The following CERS3 variants were observed in gnomAD, a reference collection of about 807,000 sequenced individuals.
CERS3 encodes ceramide synthase 3, also known as LAG1 homolog, ceramide synthase 3.
CERS3 carries 33 observed loss-of-function variants against 50.3 expected under a neutral mutation model. The observed-to-expected ratio is 0.66, with a 90% CI of 0.50 to 0.88. The LOEUF is 0.88. CERS3 is among the 40% of genes least tolerant of loss of function. The pLI, the probability that CERS3 is intolerant of heterozygous loss-of-function variation, is 0.00. For missense variants in CERS3, 470 were observed against 460.3 expected (o/e 1.02, Z -0.19); for synonymous variants, 176 against 155.2 (o/e 1.13, Z -0.99).
chr15:100,411,166 GT>G (rs773603327), intron 11 of CERS3, among the ~76,000 whole-genome samples: 5 of 151,866 alleles, frequency 3.3e-5, no homozygotes, highest in Non-Finnish European at 7.4e-5. Flanking sequence ...TTTGTTTTCT[GT>G]TTTTTTTCTT....
chr15:100,467,833 ACG>A (rs1491457491), intron 10 of CERS3, among the ~76,000 whole-genome samples: 1 of 121,924 alleles, frequency 8.2e-6, no homozygotes, highest in Admixed American at 9.8e-5. Context: ...GTATATATAT[ACG>A]TGTATATATA....
At chr15:100,518,187 AC>A (rs758006820) in intron 2 of CERS3, among the ~76,000 whole-genome samples, 27 of 152,280 alleles carry the variant, frequency 1.8e-4, no homozygotes, top group Middle Eastern at 6.8e-3. Flanking sequence ...AATGTAAAAC[AC>A]CCCGATTTTA....
At chr15:100,522,814 T>C (rs1596809753) in intron 1 of CERS3, among the ~76,000 whole-genome samples, 1 of 152,178 alleles carries the variant, frequency 6.6e-6, no homozygotes, top group East Asian at 1.9e-4. Flanking sequence ...TTTAGGTAAA[T>C]ACGTGAATGC....
At chr15:100,467,840 T>TAG (rs2034818923) in intron 10 of CERS3, among the ~76,000 whole-genome samples, 5 of 57,246 alleles carry the variant, frequency 8.7e-5, no homozygotes, top group African/African-American at 2.9e-4. Flanking sequence ...TATACGTGTA[T>TAG]ATATATATAT....
intron 10 of CERS3, among the ~76,000 whole-genome samples, chr15:100,464,443 C>T (rs572759293): frequency 6.6e-6 from 1 of 152,296 alleles, no homozygotes; most frequent in South Asian, 2.1e-4. Flanking sequence ...CACCCTGCCC[C>T]CTGCACACTC....
chr15:100,502,703 G>C (rs1018936068), intron 2 of CERS3, among the ~76,000 whole-genome samples: 1 of 152,202 alleles, frequency 6.6e-6, no homozygotes, highest in Non-Finnish European at 1.5e-5. Context: ...GCTGAGCACT[G>C]AGGATAAAAC....
At chr15:100,440,462 T>A (rs1363803414) in intron 11 of CERS3, among the ~76,000 whole-genome samples, 1 of 152,178 alleles carries the variant, frequency 6.6e-6, no homozygotes, top group Non-Finnish European at 1.5e-5. Context: ...TTCCTTTACC[T>A]ACCCAAATCC....
At chr15:100,433,179 C>T (rs1362310454) in intron 11 of CERS3, among the ~76,000 whole-genome samples, 5 of 150,234 alleles carry the variant, frequency 3.3e-5, no homozygotes, top group Admixed American at 1.3e-4. Context: ...GAGGTTGCAG[C>T]GAGCTGAGAT....
chr15:100,468,669 C>G (rs755506402), intron 10 of CERS3, among the ~76,000 whole-genome samples: 36 of 152,184 alleles, frequency 2.4e-4, no homozygotes, highest in Non-Finnish European at 4.0e-4. Flanking sequence ...TCCAAACCAT[C>G]TAAGTCTTCC....
At chr15:100,459,483 T>C (rs1393757975) in intron 10 of CERS3, among the ~76,000 whole-genome samples, 2 of 152,148 alleles carry the variant, frequency 1.3e-5, no homozygotes, top group African/African-American at 2.4e-5. Context: ...TTGTTTTTTG[T>C]AGAGACAGGG....
At chr15:100,531,210 A>G (rs947971760), upstream of CERS3, among the ~76,000 whole-genome samples, 2 of 152,260 alleles carry the variant, frequency 1.3e-5, no homozygotes, top group South Asian at 2.1e-4. Context: ...TTCAAATCAA[A>G]TCGGAACTAT....
chr15:100,438,548 T>A (rs2033535824), intron 11 of CERS3, among the ~76,000 whole-genome samples: 5 of 152,250 alleles, frequency 3.3e-5, no homozygotes. Flanking sequence ...AGGTGAAGTG[T>A]TACAAGTTAA....
rs2030446348 is a variant in CERS3 at position 100,400,626 on chromosome 15, A to G, written c.*2087T>C. 1 of 152,172 alleles carries G rather than the reference A, an allele frequency of 6.6e-6. No individual in the cohort carries two copies. Among genetic ancestry groups the G allele is most frequent in the Non-Finnish European group, 1.5e-5 (1 of 68,038 alleles). The allele number at this position is 152,172 out of a possible 1,614,324, so 9.4% of individuals were successfully genotyped here. ...TGTATCAGAAATAGTTAAAATTGGTATATCAATTTTACCTTCAACATTCAA... is the reference window on the plus strand; with the variant it reads ...TGTATCAGAAATAGTTAAAATTGGTGTATCAATTTTACCTTCAACATTCAA... On this transcript the variant is annotated 3_prime_UTR_variant, in exon 12 of 12. Transcript: ENST00000679737.
intron 1 of CERS3, among the ~76,000 whole-genome samples, chr15:100,537,319 A>G (rs1175096378): frequency 6.6e-6 from 1 of 152,242 alleles, no homozygotes; most frequent in African/African-American, 2.4e-5. Context: ...GTTGTTCCAG[A>G]GGGCATTAGA....
chr15:100,531,227 A>G (rs932733498), upstream of CERS3, among the ~76,000 whole-genome samples: 1 of 152,386 alleles, frequency 6.6e-6, no homozygotes, highest in African/African-American at 2.4e-5. Context: ...CTATTTAGAC[A>G]TAGTTCTATA....
chr15:100,521,630 C>G (rs1392270061), intron 2 of CERS3, 37 bp downstream of exon 2: 2 of 152,136 alleles, frequency 1.3e-5, no homozygotes, highest in South Asian at 2.1e-4. Context: ...TAAGAAAACA[C>G]AGTAGAGGTA....
chr15:100,539,121 A>G (rs1232520119), intron 1 of CERS3, among the ~76,000 whole-genome samples: 1 of 152,324 alleles, frequency 6.6e-6, no homozygotes, highest in South Asian at 2.1e-4. Flanking sequence ...CCAGTTCCCA[A>G]GAAGTTCCTT....
intron 7 of CERS3, 35 bp downstream of exon 7, chr15:100,479,393 C>T: frequency 1.3e-6 from 2 of 1,513,166 alleles, no homozygotes; most frequent in South Asian, 1.2e-5. Flanking sequence ...TCTTGGTGTT[C>T]AAGTAAGGGG....
intron 3 of CERS3, among the ~76,000 whole-genome samples, chr15:100,500,735 G>C (rs1225267797): frequency 6.6e-6 from 1 of 152,152 alleles, no homozygotes; most frequent in Non-Finnish European, 1.5e-5. Flanking sequence ...CTCCCAATAG[G>C]AATAGCACGC....
Sources: allele counts gnomAD v4.1 joint callset (sites outside exome capture counted in the v4.1 genomes callset), GRCh38; gene constraint gnomAD v4.1.1; transcripts MANE v1.5; gene names NCBI Gene and HGNC (gene_info 2026-07-23, HGNC 2026-07-21).